DNAH5: variants seen among roughly 807,000 people sequenced by gnomAD.
The protein encoded by DNAH5 is axonemal beta dynein heavy chain 5.
Under a neutral mutation model 518.2 loss-of-function variants are expected in DNAH5, and 372 were observed. The ratio of observed to expected loss-of-function variants is 0.72; its 90% CI spans 0.66 to 0.78. The LOEUF (loss-of-function observed/expected upper bound fraction) is 0.78, where lower values mean the gene tolerates loss of function less well. DNAH5 is among the 30% of genes least tolerant of loss of function. DNAH5 has a pLI of 0.00. For missense variants in DNAH5, 5,523 were observed against 5,687.0 expected, an observed-to-expected ratio of 0.97 and a Z score of 0.93; for synonymous variants, 2,039 against 2,025.9, an observed-to-expected ratio of 1.01 and a Z score of -0.17.
Position 13,871,601 on chromosome 5 carries a change from A to G in DNAH5, c.3561T>C (p.Pro1187=). The G allele has an allele frequency of 1.2e-6, 2 of 1,613,786 alleles. No individual in the cohort carries two copies. The highest frequency in any genetic ancestry group is 1.7e-6 in the Non-Finnish European group (2 of 1,179,750). ...QNLEQEINAE[P]EYVCVGSIAL... The stretch of plus-strand genomic sequence containing the variant: ...CAATGGAACCCACACAGACATATTC[A>G]GGCTCAGCATTAATTTCCTGCTCTA... The change falls in exon 23 of 79, where the codon CCT becomes CCC. Residue 1187 remains proline (P), a synonymous_variant. Coordinates refer to ENST00000265104, the MANE Select transcript of DNAH5 (RefSeq NM_001369.3).
At chr5:13,737,647 G>A (rs972022252) in intron 65 of DNAH5, 152 bp from the exon 66 acceptor site, 30 of 839,894 alleles carry the variant, frequency 3.6e-5, no homozygotes, top group African/African-American at 5.1e-5. Flanking sequence ...AAGAAGGGCC[G>A]GGCGCAGGGG....
At chr5:13,821,486 G>A (rs1423578532) in intron 40 of DNAH5, among the ~76,000 whole-genome samples, 1 of 152,154 alleles carries the variant, frequency 6.6e-6, no homozygotes, top group Admixed American at 6.5e-5. Flanking sequence ...TGGAAGGGAT[G>A]CTATTAACAT....
At chr5:13,792,590 C>T (rs574131413) in intron 49 of DNAH5, among the ~76,000 whole-genome samples, 8 of 152,216 alleles carry the variant, frequency 5.3e-5, no homozygotes, top group East Asian at 1.9e-4. Flanking sequence ...TGCCTTTCCA[C>T]GCATTATAAA....
chr5:13,933,017 G>A (rs373924427), intron 1 of DNAH5, among the ~76,000 whole-genome samples: 8 of 152,306 alleles, frequency 5.3e-5, no homozygotes, highest in South Asian at 2.1e-4. Context: ...TTTTAGCAGC[G>A]CCTTTGGTCT....
At position 13,810,764 on chromosome 5, in the gene DNAH5, A is replaced by AT. The variant is rs1561322227; in HGVS notation, c.7408-505_7408-504insA. 2.1e-3 allele frequency among the ~76,000 whole-genome samples: 266 copies of AT among 124,748 alleles called. 3 individuals are homozygous for AT. The highest frequency in any genetic ancestry group is 7.5e-3 in the African/African-American group (257 of 34,090). 81.8% of individuals were successfully genotyped at this position (124,748 alleles called of 152,430 possible). On this transcript the variant is annotated intron_variant, in intron 44 of 78. Transcript: ENST00000265104. Reference sequence around the variant, plus strand: ...GCGAGACTCCATGTCAAAAAACAAAACAAACAAACAAAAAAACAGGGTTTA... The same window carrying AT: ...GCGAGACTCCATGTCAAAAAACAAAATCAAACAAACAAAAAAACAGGGTTTA...
intron 36 of DNAH5, 152 bp downstream of exon 36, chr5:13,830,445 G>A: frequency 3.1e-6 from 3 of 973,616 alleles, no homozygotes; most frequent in Non-Finnish European, 4.7e-6. Context: ...GTAACATTTG[G>A]TCCACACAAC....
chr5:13,865,558 G>T, intron 27 of DNAH5, 110 bp downstream of exon 27: 1 of 784,416 alleles, frequency 1.3e-6, no homozygotes, highest in South Asian at 1.4e-5. Flanking sequence ...GAACAATGCA[G>T]CAAGATGTGC....
Position 13,882,926 on chromosome 5 carries a change from C to T in DNAH5, c.3152G>A (p.Trp1051Ter). ...CACCTTGGACAACAGTTCACTGCTC[C>T]ACTGTCTGACCCCCTTAGGGACACT... ...IISVPKGVRQ[W>*]SSELLSKKKI... Residue 1051 changes from tryptophan (W) to a stop codon, truncating the protein, a stop_gained, in exon 20 of 79, where the codon TGG becomes TAG. Transcript: ENST00000265104. LOFTEE classifies it high-confidence loss of function. 1 of 1,614,156 alleles carries T rather than the reference C, an allele frequency of 6.2e-7. No homozygotes were observed. The highest frequency in any genetic ancestry group is 1.3e-5 in the African/African-American group (1 of 75,046).
chr5:13,769,288 C>T (rs757085613), intron 57 of DNAH5, 152 bp from the exon 58 acceptor site: 1 of 951,900 alleles, frequency 1.1e-6, no homozygotes, highest in Non-Finnish European at 1.6e-6. Flanking sequence ...CGCTCTGTCG[C>T]CCAGGCTGGA....
chr5:13,919,591 T>C (rs982719714), intron 6 of DNAH5, among the ~76,000 whole-genome samples: 3 of 152,164 alleles, frequency 2.0e-5, no homozygotes, highest in East Asian at 1.9e-4. Context: ...CTTTTGAAAA[T>C]AGTTTATATT....
chr5:13,692,324 G>C (rs1157299463), intron 78 of DNAH5, among the ~76,000 whole-genome samples, 189 bp from the exon 79 acceptor site: 1 of 152,180 alleles, frequency 6.6e-6, no homozygotes, highest in African/African-American at 2.4e-5. Flanking sequence ...GGTGCCAGCA[G>C]ATGTGGCAAG....
At chr5:13,860,598 G>C (rs1172978005) in intron 29 of DNAH5, 1 of 152,200 alleles carries the variant, frequency 6.6e-6, no homozygotes, top group Admixed American at 6.5e-5. Context: ...TGGGGAATAA[G>C]GTCACACCTG....
chr5:13,786,093 A>G, intron 52 of DNAH5, 86 bp downstream of exon 52: 1 of 1,337,402 alleles, frequency 7.5e-7, no homozygotes, highest in South Asian at 1.2e-5. Context: ...TCTCCTAGGA[A>G]ATGAAAATAA....
chr5:13,906,751 A>C (rs1434151996), intron 12 of DNAH5, among the ~76,000 whole-genome samples: 1 of 152,224 alleles, frequency 6.6e-6, no homozygotes, highest in African/African-American at 2.4e-5. Flanking sequence ...AAATCATAAC[A>C]AACATTACGT....
chr5:13,809,148 G>C lies in DNAH5; in HGVS notation c.7648C>G (p.Leu2550Val), dbSNP rs1490133987. Residue 2550 changes from leucine to valine, a missense_variant, in exon 46 of 79, where the codon CTG (leucine) becomes GTG (valine). Around this residue, in one of 3 missense-constraint regions of DNAH5, gnomAD observed 5,121 missense variants for 5,223.3 expected, o/e 0.98. Coordinates refer to ENST00000265104, the MANE Select transcript of DNAH5 (RefSeq NM_001369.3). ...TCTGGGGTGGTATCAGACGGATACA[G>C]GTATTCCTGGGTACGCGTGTTCCAG... ...THWNTRTQEY[L>V]YPSDTTPEYG... 4 of 1,614,160 alleles carry C rather than the reference G, an allele frequency of 2.5e-6. No homozygotes were observed. Among genetic ancestry groups the C allele is most frequent in the South Asian group, 2.2e-5 (2 of 91,072 alleles).
chr5:13,980,170 G>A (rs1035687894), intron 1 of DNAH5, among the ~76,000 whole-genome samples: 1 of 151,776 alleles, frequency 6.6e-6, no homozygotes, highest in Non-Finnish European at 1.5e-5. Context: ...TTCCTCACTC[G>A]ACCAGGACAT....
In DNAH5 at chr5:13,901,373, A is replaced by G; in HGVS notation, c.1931T>C (p.Phe644Ser). ...GCTTAGCACAGCTGGGTGCTGCTGGAAAAGCTGCATGGGCTGCTGAATCCT... is the reference window on the plus strand; with the variant it reads ...GCTTAGCACAGCTGGGTGCTGCTGGGAAAGCTGCATGGGCTGCTGAATCCT... ...FHRIQQPMQL[F>S]QQHPAVLSTA... is the part of the protein sequence containing the mutation. The change falls in exon 14 of 79, where the codon TTC (phenylalanine) becomes TCC (serine). Residue 644 changes from phenylalanine (F) to serine (S), a missense_variant. Around this residue, in one of 3 missense-constraint regions of DNAH5, gnomAD observed 5,121 missense variants for 5,223.3 expected, o/e 0.98. Coordinates refer to ENST00000265104, the MANE Select transcript of DNAH5 (RefSeq NM_001369.3). 6.2e-7 allele frequency: 1 copy of G among 1,614,188 alleles called. No homozygotes were observed. The highest frequency in any genetic ancestry group is 1.1e-5 in the South Asian group (1 of 91,078).
chr5:13,823,331 C>T lies in DNAH5; in HGVS notation c.6619G>A (p.Asp2207Asn). 1.2e-6 allele frequency: 2 copies of T among 1,613,930 alleles called. No individual in the cohort carries two copies. Among genetic ancestry groups the T allele is most frequent in the Non-Finnish European group, 1.7e-6 (2 of 1,179,888 alleles). ...TCCAGAAGAATATTTGGAAAGAGAT[C>T]TTCAATCAAACTCAAAAACAAGGGT... Reference protein sequence around the residue: ...DEPLFLSLIEDLFPNILLDKA... With the variant: ...DEPLFLSLIENLFPNILLDKA... Residue 2207 changes from aspartate (D) to asparagine (N), a missense_variant, in exon 40 of 79, where the codon GAT (aspartate) becomes AAT (asparagine). Physicochemically the swap from Asp to Asn is conservative, Grantham distance 23. This residue lies in a region of DNAH5 where 5,121 missense variants were observed against 5,223.3 expected (regional missense o/e 0.98). Transcript: ENST00000265104.
At chr5:13,871,537 T>C in intron 23 of DNAH5, 27 bp downstream of exon 23, 1 of 1,574,146 alleles carries the variant, frequency 6.4e-7, no homozygotes, top group African/African-American at 1.3e-5. Context: ...CTAATTTATA[T>C]AACTATATGA....
Sources: allele counts gnomAD v4.1 joint callset (sites outside exome capture counted in the v4.1 genomes callset), GRCh38; gene constraint gnomAD v4.1.1; regional missense constraint gnomAD v4.1.1; transcripts MANE v1.5; gene names NCBI Gene and HGNC (gene_info 2026-07-23, HGNC 2026-07-21).